SLC24A2: variants seen among roughly 807,000 people sequenced by gnomAD.
SLC24A2 encodes the protein solute carrier family 24 member 2, also known as sodium/potassium/calcium exchanger 2.
Under a neutral mutation model 62.0 loss-of-function variants are expected in SLC24A2, and 36 were observed. The ratio of observed to expected loss-of-function variants is 0.58; its 90% confidence interval spans 0.44 to 0.77. SLC24A2 has a LOEUF of 0.77. Among genes scored for constraint, SLC24A2 ranks in the 30% least tolerant of loss-of-function variants. SLC24A2 has a pLI of 0.00. For synonymous variants in SLC24A2, 358 were observed against 294.0 expected, an observed-to-expected ratio of 1.22 and a Z score of -2.23; for missense variants, 846 against 817.9, an observed-to-expected ratio of 1.03 and a Z score of -0.42.
chr9:19,776,179 C>T (rs1822840478), intron 2 of SLC24A2, among the ~76,000 whole-genome samples: 1 of 152,128 alleles, frequency 6.6e-6, no homozygotes, highest in Admixed American at 6.5e-5. Context: ...TTTGACAGCT[C>T]ACAATGTGAA....
chr9:19,722,112 G>C (rs1821043396), intron 2 of SLC24A2, among the ~76,000 whole-genome samples: 1 of 152,064 alleles, frequency 6.6e-6, no homozygotes, highest in African/African-American at 2.4e-5. Context: ...TACTTCCATG[G>C]TCATGCTCAA....
the SLC24A2 span, among the ~76,000 whole-genome samples, chr9:20,010,520 T>C: frequency 3.3e-5 from 5 of 152,094 alleles, no homozygotes; most frequent in African/African-American, 1.2e-4. Flanking sequence ...AAACAATTCA[T>C]GAACAAAATG....
chr9:19,914,366 A>G, the SLC24A2 span, among the ~76,000 whole-genome samples: 1 of 120,812 alleles, frequency 8.3e-6, no homozygotes, highest in Admixed American at 7.9e-5. Flanking sequence ...ACGAAAATAA[A>G]ACCCATACAC....
chr9:20,248,831 C>A, the SLC24A2 span, among the ~76,000 whole-genome samples: 1 of 152,196 alleles, frequency 6.6e-6, no homozygotes, highest in Non-Finnish European at 1.5e-5. Flanking sequence ...TCCGGGGCAC[C>A]CACATGGCAG....
At chr9:19,883,016 C>T in the SLC24A2 span, among the ~76,000 whole-genome samples, 189 of 152,234 alleles carry the variant, frequency 1.2e-3, 2 homozygotes, top group African/African-American at 4.1e-3. Context: ...ATTTTATGGA[C>T]GGTAGCCTTC....
the SLC24A2 span, among the ~76,000 whole-genome samples, chr9:20,102,856 G>A: frequency 6.6e-6 from 1 of 152,116 alleles, no homozygotes; most frequent in Non-Finnish European, 1.5e-5. Flanking sequence ...CAGGACAGTA[G>A]GTGCAGTGCA....
At chr9:19,924,828 G>A in the SLC24A2 span, among the ~76,000 whole-genome samples, 1 of 152,030 alleles carries the variant, frequency 6.6e-6, no homozygotes, top group Non-Finnish European at 1.5e-5. Context: ...CCTGTCTCTG[G>A]GAGAGTCTAT....
At chr9:20,106,435 T>C in the SLC24A2 span, among the ~76,000 whole-genome samples, 1 of 152,220 alleles carries the variant, frequency 6.6e-6, no homozygotes, top group African/African-American at 2.4e-5. Flanking sequence ...TGAACGTTGA[T>C]GCAAAAATCC....
At chr9:19,908,516 A>G in the SLC24A2 span, among the ~76,000 whole-genome samples, 1 of 152,328 alleles carries the variant, frequency 6.6e-6, no homozygotes, top group South Asian at 2.1e-4. Context: ...GCTTCTGCAC[A>G]GCAAAAGAAA....
intron 2 of SLC24A2, among the ~76,000 whole-genome samples, chr9:19,626,533 C>A (rs144869865): frequency 2.0e-5 from 3 of 152,244 alleles, no homozygotes; most frequent in African/African-American, 7.2e-5. Flanking sequence ...CCAAGTCCTG[C>A]AAAATGGGCC....
At chr9:19,779,808 C>T (rs536974680) in intron 2 of SLC24A2, among the ~76,000 whole-genome samples, 2 of 152,200 alleles carry the variant, frequency 1.3e-5, no homozygotes, top group South Asian at 2.1e-4. Flanking sequence ...GCCTGTAATC[C>T]GAGCATTTTG....
chr9:19,829,336 G>A, the SLC24A2 span, among the ~76,000 whole-genome samples: 4 of 152,250 alleles, frequency 2.6e-5, no homozygotes, highest in African/African-American at 7.2e-5. Context: ...CCACTCAGAG[G>A]TGATAAGACC....
At chr9:20,114,414 T>C in the SLC24A2 span, among the ~76,000 whole-genome samples, 1 of 152,248 alleles carries the variant, frequency 6.6e-6, no homozygotes, top group East Asian at 1.9e-4. Flanking sequence ...GCTGCTGCGG[T>C]CCCAGCTAGT....
At chr9:20,105,373 A>G in the SLC24A2 span, among the ~76,000 whole-genome samples, 1 of 152,094 alleles carries the variant, frequency 6.6e-6, no homozygotes, top group South Asian at 2.1e-4. Context: ...AGAACTCTCC[A>G]CCCCAAATCA....
At chr9:20,125,506 A>G in the SLC24A2 span, among the ~76,000 whole-genome samples, 1 of 152,212 alleles carries the variant, frequency 6.6e-6, no homozygotes, top group African/African-American at 2.4e-5. Flanking sequence ...ATATAAGACT[A>G]TAAGACACCT....
the SLC24A2 span, among the ~76,000 whole-genome samples, chr9:20,022,780 G>C: frequency 6.6e-6 from 1 of 152,142 alleles, no homozygotes; most frequent in Non-Finnish European, 1.5e-5. Context: ...ATCCTGCCTT[G>C]AATGGCATAT....
the SLC24A2 span, among the ~76,000 whole-genome samples, chr9:20,005,821 G>C: frequency 6.7e-6 from 1 of 148,768 alleles, no homozygotes. Context: ...ATCATGAATA[G>C]TCAAAAATAA....
the SLC24A2 span, among the ~76,000 whole-genome samples, chr9:20,017,969 C>T: frequency 1.3e-5 from 2 of 152,142 alleles, no homozygotes; most frequent in African/African-American, 2.4e-5. Context: ...TTTTTTTACA[C>T]GGAGTCTCGC....
chr9:19,597,693 C>G (rs919324830), intron 4 of SLC24A2, among the ~76,000 whole-genome samples: 1 of 152,216 alleles, frequency 6.6e-6, no homozygotes, highest in African/African-American at 2.4e-5. Flanking sequence ...TGCCACAGAA[C>G]AGCAGTTCAA....
Sources: gnomAD v4.1 joint callset for allele counts (sites outside exome capture counted in the v4.1 genomes callset) on GRCh38, gnomAD v4.1.1 for gene constraint, MANE v1.5 for transcripts, NCBI Gene and HGNC (gene_info 2026-07-23, HGNC 2026-07-21) for gene names.